DIS3L2: variants seen among roughly 807,000 people sequenced by gnomAD.
DIS3L2 encodes the protein DIS3 like 3'-5' exoribonuclease 2, also known as DIS3-like exonuclease 2.
DIS3L2 carries 34 observed loss-of-function variants against 97.5 expected under a neutral mutation model. That is an observed-to-expected ratio of 0.35 (90% CI 0.27 to 0.46). The LOEUF is 0.46. Ranked by LOEUF, DIS3L2 falls within the 20% of genes least tolerant of loss-of-function variation. DIS3L2 has a pLI of 1.00. For synonymous variants in DIS3L2, 435 were observed against 445.2 expected, an observed-to-expected ratio of 0.98 and a Z score of 0.29; for missense variants, 1,038 against 1,146.0, an observed-to-expected ratio of 0.91 and a Z score of 1.36.
intron 5 of DIS3L2, among the ~76,000 whole-genome samples, chr2:232,086,458 A>T (rs184540465): frequency 1.4e-5 from 2 of 147,944 alleles, no homozygotes; most frequent in Admixed American, 1.4e-4. Context: ...CAGCCTGCAG[A>T]TTGTATAACA....
intron 13 of DIS3L2, 71 bp downstream of exon 13, chr2:232,263,511 C>A: frequency 6.9e-7 from 1 of 1,455,826 alleles, no homozygotes; most frequent in Non-Finnish European, 9.5e-7. Flanking sequence ...ATGAGCGCAG[C>A]TTGGCAGGCT....
intron 13 of DIS3L2, among the ~76,000 whole-genome samples, chr2:232,282,873 C>T (rs1175569769): frequency 6.6e-6 from 1 of 152,208 alleles, no homozygotes; most frequent in African/African-American, 2.4e-5. Flanking sequence ...GTGGGGATGG[C>T]TGCCTGTTCT....
chr2:232,134,540 C>G (rs1698305594), intron 7 of DIS3L2, among the ~76,000 whole-genome samples: 1 of 151,998 alleles, frequency 6.6e-6, no homozygotes, highest in African/African-American at 2.4e-5. Context: ...TATGGTGGTT[C>G]AAGGCCGGAT....
chr2:232,342,061 T>C (rs1414075593), downstream of DIS3L2, among the ~76,000 whole-genome samples: 1 of 152,152 alleles, frequency 6.6e-6, no homozygotes, highest in Admixed American at 6.5e-5. Context: ...GGGGGTAGTT[T>C]GTCACACAAC....
chr2:232,333,758 T>TAG, intron 16 of DIS3L2, 82 bp from the exon 17 acceptor site: 24 of 1,401,618 alleles, frequency 1.7e-5, no homozygotes, highest in Admixed American at 7.7e-5. Context: ...CTGCCGACGG[T>TAG]GAGGCTGTGG....
intron 10 of DIS3L2, among the ~76,000 whole-genome samples, chr2:232,218,246 G>A (rs776545292): frequency 1.7e-4 from 26 of 152,154 alleles, no homozygotes; most frequent in Non-Finnish European, 3.2e-4. Flanking sequence ...GGATGAACAC[G>A]CATGCTCACA....
intron 9 of DIS3L2, among the ~76,000 whole-genome samples, chr2:232,181,573 A>G (rs1327278820): frequency 6.6e-6 from 1 of 151,866 alleles, no homozygotes; most frequent in Non-Finnish European, 1.5e-5. Context: ...TTCATCTTCC[A>G]TCGCTGATAG....
intron 9 of DIS3L2, among the ~76,000 whole-genome samples, chr2:232,190,072 A>G (rs1026929894): frequency 2.6e-5 from 4 of 152,190 alleles, no homozygotes; most frequent in African/African-American, 9.6e-5. Context: ...CAACGCCTGT[A>G]ATCTCAAAAC....
chr2:232,249,812 G>A (rs1693368657), intron 12 of DIS3L2, among the ~76,000 whole-genome samples: 1 of 152,216 alleles, frequency 6.6e-6, no homozygotes, highest in Admixed American at 6.5e-5. Flanking sequence ...TTCCTCTGAA[G>A]TGTCATGAGA....
intron 1 of DIS3L2, among the ~76,000 whole-genome samples, chr2:231,973,500 C>T (rs2106167296): frequency 6.6e-6 from 1 of 152,186 alleles, no homozygotes; most frequent in South Asian, 2.1e-4. Flanking sequence ...TATGGGAAGA[C>T]CTGACTATGA....
intron 1 of DIS3L2, among the ~76,000 whole-genome samples, chr2:231,963,464 T>C (rs1276204915): frequency 6.6e-6 from 1 of 152,222 alleles, no homozygotes; most frequent in African/African-American, 2.4e-5. Flanking sequence ...TGCTTGTTGA[T>C]TTAAGTTCCA....
At chr2:232,186,101 G>T (rs1691423521) in intron 9 of DIS3L2, among the ~76,000 whole-genome samples, 1 of 152,136 alleles carries the variant, frequency 6.6e-6, no homozygotes, top group Admixed American at 6.5e-5. Context: ...AAAGTGCTGG[G>T]ATTATAGGCG....
intron 7 of DIS3L2, 156 bp downstream of exon 7, chr2:232,130,875 T>C (rs757120170): frequency 4.5e-6 from 5 of 1,110,844 alleles, no homozygotes; most frequent in Non-Finnish European, 6.0e-6. Flanking sequence ...AAAAAAACTT[T>C]AAACATATAA....
intron 9 of DIS3L2, among the ~76,000 whole-genome samples, chr2:232,204,292 TA>T (rs1445508585): frequency 8.5e-5 from 13 of 152,164 alleles, no homozygotes; most frequent in Non-Finnish European, 1.5e-4. Flanking sequence ...AGGAAGAGTG[TA>T]AGTGACAAAG....
chr2:232,343,137 C>A, intron 13 of DIS3L2: 1 of 574,644 alleles, frequency 1.7e-6, no homozygotes, highest in South Asian at 2.2e-5. Flanking sequence ...TGAAGGCCCC[C>A]TCAACCTGGC....
rs541789452 is a variant in DIS3L2, at chr2:232,336,657, C to CCTGT, written c.*28_*29insTGTC. ...CTCCACCAGCCGCCTGCCCCGCCTGCCCCGCCTGCCTGTCCCGCCACACTG... is the reference window on the plus strand; with the variant it reads ...CTCCACCAGCCGCCTGCCCCGCCTGCCTGTCCCGCCTGCCTGTCCCGCCACACTG... On this transcript the variant is annotated 3_prime_UTR_variant, in exon 21 of 21. Transcript: ENST00000325385. The CCTGT allele has an allele frequency of 3.0e-4, 461 of 1,553,664 alleles. 2 individuals are homozygous for CCTGT. In the African/African-American group the frequency reaches 5.6e-3, roughly 19 times the overall value.
In DIS3L2 at chr2:232,128,451, A is replaced by ATTTTTTTTTTTTT. The variant is rs10682281; in HGVS notation, c.602-2152_602-2140dup. 7.1e-4 allele frequency among the ~76,000 whole-genome samples: 51 copies of ATTTTTTTTTTTTT among 71,698 alleles called. 4 individuals are homozygous for ATTTTTTTTTTTTT. The highest frequency in any genetic ancestry group is 2.8e-3 in the African/African-American group (47 of 16,834). 47.0% of individuals were successfully genotyped at this position (71,698 alleles called of 152,430 possible). A position where few individuals can be genotyped will look rare whatever the true frequency, so the allele number is the denominator to read the frequency against. On this transcript the variant is annotated intron_variant, in intron 6 of 20. Coordinates refer to ENST00000325385, the MANE Select transcript of DIS3L2 (RefSeq NM_152383.5). ...TCTCATTAAATTGACAACTTTGCTA[A>ATTTTTTTTTTTTT]TTTTTTTTTTTTTTTTTTTTTTTTT...
At chr2:231,982,622 C>G (rs1266391535) in intron 1 of DIS3L2, among the ~76,000 whole-genome samples, 2 of 151,240 alleles carry the variant, frequency 1.3e-5, no homozygotes, top group Non-Finnish European at 2.9e-5. Flanking sequence ...TGAAATGCCT[C>G]CTTTATCATA....
chr2:232,262,506 C>A (rs889109494), intron 12 of DIS3L2, among the ~76,000 whole-genome samples: 8 of 152,222 alleles, frequency 5.3e-5, no homozygotes, highest in Non-Finnish European at 8.8e-5. Context: ...AGACATTTGG[C>A]CATGTCTGGA....
Sources: gnomAD v4.1 joint callset for allele counts (sites outside exome capture counted in the v4.1 genomes callset) on GRCh38, gnomAD v4.1.1 for gene constraint, MANE v1.5 for transcripts, NCBI Gene and HGNC (gene_info 2026-07-23, HGNC 2026-07-21) for gene names.